RAB38: variants seen among roughly 807,000 people sequenced by gnomAD.
The protein encoded by RAB38 is RAB38, member RAS oncogene family, also known as ras-related protein Rab-38.
In RAB38, 15 loss-of-function variants were observed where a neutral mutation model predicts 18.4. The ratio of observed to expected loss-of-function variants is 0.82; its 90% confidence interval spans 0.55 to 1.26. RAB38 has a LOEUF of 1.26. RAB38 is among the 50% of genes most tolerant of loss of function. The pLI is 0.00. For synonymous variants in RAB38, 101 were observed against 104.4 expected (o/e 0.97, Z 0.20); for missense variants, 294 against 267.4 (o/e 1.10, Z -0.69).
the RAB38 span, among the ~76,000 whole-genome samples, chr11:88,027,106 TATAG>T: frequency 3.3e-5 from 5 of 152,340 alleles, no homozygotes; most frequent in South Asian, 2.1e-4. Context: ...ACGAAGATTT[TATAG>T]ATATTCTTTA....
At chr11:88,123,391 G>C (rs900975905) in intron 2 of RAB38, among the ~76,000 whole-genome samples, 9 of 152,194 alleles carry the variant, frequency 5.9e-5, no homozygotes, top group Admixed American at 1.3e-4. Context: ...GACCAGTTCA[G>C]CTTTCACTGA....
intron 2 of RAB38, among the ~76,000 whole-genome samples, chr11:88,143,889 G>A (rs967015111): frequency 6.6e-6 from 1 of 152,044 alleles, no homozygotes; most frequent in Admixed American, 6.5e-5. Context: ...TAAATTATAA[G>A]CATTGACGTA....
rs142250573 is a variant in RAB38, at chr11:88,132,258, A to T, written c.483+17417T>A. On this transcript the variant is annotated intron_variant, in intron 2 of 2. Transcript: ENST00000243662. ...AAACTAATGCCCTCATCTTATAACC[A>T]TAAGGGAGAAAGTCACGTGCTGAGG... 6.9e-3 allele frequency among the ~76,000 whole-genome samples: 1,050 copies of T among 152,342 alleles called. 10 individuals are homozygous for T. The highest frequency in any genetic ancestry group is 0.024 in the Middle Eastern group (7 of 294).
the RAB38 span, among the ~76,000 whole-genome samples, chr11:87,872,009 G>T: frequency 6.6e-6 from 1 of 151,402 alleles, no homozygotes; most frequent in South Asian, 2.1e-4. Context: ...TCAAAGAACA[G>T]AACTCCAGAG....
chr11:87,870,882 T>C, the RAB38 span, among the ~76,000 whole-genome samples: 1 of 151,664 alleles, frequency 6.6e-6, no homozygotes, highest in Non-Finnish European at 1.5e-5. Context: ...ATGAAAACCA[T>C]ATTTTTTCAT....
At chr11:88,107,114 T>G in the RAB38 span, among the ~76,000 whole-genome samples, 1 of 152,178 alleles carries the variant, frequency 6.6e-6, no homozygotes, top group East Asian at 1.9e-4. Context: ...TCCACTTTTT[T>G]TTCTTATCAC....
At chr11:88,014,263 AAT>A in the RAB38 span, among the ~76,000 whole-genome samples, 1 of 152,038 alleles carries the variant, frequency 6.6e-6, no homozygotes, top group Non-Finnish European at 1.5e-5. Flanking sequence ...GAGTTGAAAA[AAT>A]TTCTGCAAAT....
At chr11:87,976,626 A>AATTTTACATGATAT in the RAB38 span, among the ~76,000 whole-genome samples, 10 of 37,392 alleles carry the variant, frequency 2.7e-4, no homozygotes, top group Admixed American at 6.7e-4. Flanking sequence ...ATGATATATA[A>AATTTTACATGATAT]ATATATATGA....
chr11:87,932,655 C>T, the RAB38 span, among the ~76,000 whole-genome samples: 1 of 152,094 alleles, frequency 6.6e-6, no homozygotes, highest in Admixed American at 6.6e-5. Flanking sequence ...TCAAAGCTTG[C>T]TCTCTGCTGT....
At chr11:88,036,494 A>G in the RAB38 span, among the ~76,000 whole-genome samples, 1 of 152,262 alleles carries the variant, frequency 6.6e-6, no homozygotes, top group East Asian at 1.9e-4. Context: ...ATCCTACAGT[A>G]CAAAAACCAG....
At chr11:88,159,557 G>A (rs937855945) in intron 1 of RAB38, among the ~76,000 whole-genome samples, 1 of 151,684 alleles carries the variant, frequency 6.6e-6, no homozygotes, top group African/African-American at 2.4e-5. Flanking sequence ...CAAAACCAAA[G>A]GCATCACATT....
At chr11:87,890,834 G>T in the RAB38 span, among the ~76,000 whole-genome samples, 733 of 151,938 alleles carry the variant, frequency 4.8e-3, 5 homozygotes, top group African/African-American at 0.017. Flanking sequence ...TAGTCATTAT[G>T]TGCTAGATAT....
At chr11:88,063,302 A>T in the RAB38 span, among the ~76,000 whole-genome samples, 2 of 152,236 alleles carry the variant, frequency 1.3e-5, no homozygotes, top group Admixed American at 1.3e-4. Context: ...GCACATCCCC[A>T]CACACAAAAC....
chr11:87,850,749 C>A, the RAB38 span, among the ~76,000 whole-genome samples: 2 of 136,152 alleles, frequency 1.5e-5, no homozygotes, highest in African/African-American at 5.2e-5. Context: ...CACACACATA[C>A]ACACACACCA....
chr11:87,819,675 T>C, the RAB38 span, among the ~76,000 whole-genome samples: 9 of 147,916 alleles, frequency 6.1e-5, no homozygotes, highest in Admixed American at 2.0e-4. Context: ...TATATATATA[T>C]GTGTATATAT....
chr11:87,883,603 G>T, the RAB38 span, among the ~76,000 whole-genome samples: 1 of 152,050 alleles, frequency 6.6e-6, no homozygotes, highest in East Asian at 2.0e-4. Flanking sequence ...TTGCAGAAGT[G>T]ATTCAAGTTA....
the RAB38 span, among the ~76,000 whole-genome samples, chr11:88,094,263 A>G: frequency 6.6e-6 from 1 of 151,874 alleles, no homozygotes; most frequent in Non-Finnish European, 1.5e-5. Flanking sequence ...TTTCCCCCTA[A>G]TTATTCAAAA....
intron 2 of RAB38, among the ~76,000 whole-genome samples, chr11:88,145,762 A>G (rs868220684): frequency 1.3e-5 from 2 of 152,210 alleles, no homozygotes; most frequent in Admixed American, 6.5e-5. Flanking sequence ...AAATAAGTTG[A>G]GCTCATGATC....
chr11:87,873,514 A>G, the RAB38 span, among the ~76,000 whole-genome samples: 2 of 151,456 alleles, frequency 1.3e-5, no homozygotes, highest in East Asian at 3.9e-4. Context: ...TTGTATCTAA[A>G]AAGTAATCAC....
Sources: gnomAD v4.1 joint callset for allele counts (sites outside exome capture counted in the v4.1 genomes callset) on GRCh38, gnomAD v4.1.1 for gene constraint, MANE v1.5 for transcripts, NCBI Gene and HGNC (gene_info 2026-07-23, HGNC 2026-07-21) for gene names.